The following RSU1 variants were observed in gnomAD, a reference collection of about 807,000 sequenced individuals.
RSU1 encodes Ras suppressor protein 1.
Under a neutral mutation model 31.1 loss-of-function variants are expected in RSU1, and 26 were observed. That is an observed-to-expected ratio of 0.84 (90% confidence interval 0.61 to 1.16). The LOEUF (loss-of-function observed/expected upper bound fraction) is 1.16, where lower values mean the gene tolerates loss of function less well. Among genes scored for constraint, RSU1 ranks in the 50% most tolerant of loss-of-function variants. The pLI is 0.00. For missense variants in RSU1, 320 were observed against 339.1 expected (o/e 0.94, Z 0.44); for synonymous variants, 164 against 136.3 (o/e 1.20, Z -1.41).
chr10:16,727,303 C>T (rs978788833), intron 7 of RSU1: 13 of 312,358 alleles, frequency 4.2e-5, no homozygotes, highest in Admixed American at 1.6e-4. Flanking sequence ...TCCCAAAGCA[C>T]CCAATTCAAC....
In RSU1 at chr10:16,645,896, A is replaced by ATATATATGTG. The variant is rs1834536489; in HGVS notation, c.731+49126_731+49127insCACATATATA. Among the ~76,000 whole-genome samples the ATATATATGTG allele has an allele frequency of 2.8e-5, 3 of 106,688 alleles. 1 individual carries two copies. Among genetic ancestry groups the ATATATATGTG allele is most frequent in the Non-Finnish European group, 5.1e-5 (3 of 59,094 alleles). The allele number at this position is 106,688 out of a possible 152,430, so 70.0% of individuals were successfully genotyped here. On this transcript the variant is annotated intron_variant, in intron 8 of 8. Coordinates refer to ENST00000345264, the MANE Select transcript of RSU1 (RefSeq NM_012425.4). ...CATATATGTGTATATACATATATGT[A>ATATATATGTG]TATACACATATATGTATATATATGT...
chr10:16,596,011 A>G lies in RSU1; in HGVS notation c.732-2515T>C, dbSNP rs551132275. Among the ~76,000 whole-genome samples the G allele has an allele frequency of 5.3e-5, 8 of 151,968 alleles. No homozygotes were observed. The South Asian group carries it at 1.4e-3, about 28-fold the overall frequency. Reference sequence around the variant, plus strand: ...TCCATGAAAGCGCATTTTTCAACCTATAGGGGCTCCCCCAACCTACACTTT... The same window carrying G: ...TCCATGAAAGCGCATTTTTCAACCTGTAGGGGCTCCCCCAACCTACACTTT... On this transcript the variant is annotated intron_variant, in intron 8 of 8. Transcript: ENST00000345264.
chr10:16,605,430 T>C (rs1833786512), intron 8 of RSU1, among the ~76,000 whole-genome samples: 1 of 152,214 alleles, frequency 6.6e-6, no homozygotes, highest in African/African-American at 2.4e-5. Context: ...AAAGTGTGTA[T>C]AGCTGTACTT....
intron 2 of RSU1, among the ~76,000 whole-genome samples, chr10:16,796,612 T>A (rs771455475): frequency 6.6e-6 from 1 of 152,082 alleles, no homozygotes; most frequent in Non-Finnish European, 1.5e-5. Context: ...AAACTGTTCA[T>A]CACAATGATC....
At chr10:16,699,613 G>C (rs989573077) in intron 7 of RSU1, among the ~76,000 whole-genome samples, 9 of 152,214 alleles carry the variant, frequency 5.9e-5, no homozygotes, top group African/African-American at 1.9e-4. Flanking sequence ...TTTATTAGAA[G>C]GCTGAGCGGC....
intron 8 of RSU1, among the ~76,000 whole-genome samples, chr10:16,677,901 A>G (rs1835262744): frequency 6.6e-6 from 1 of 152,208 alleles, no homozygotes; most frequent in Non-Finnish European, 1.5e-5. Flanking sequence ...GGAATGCACA[A>G]GAACAGATTA....
At chr10:16,722,736 C>T (rs1248226695) in intron 7 of RSU1, among the ~76,000 whole-genome samples, 1 of 151,818 alleles carries the variant, frequency 6.6e-6, no homozygotes. Context: ...TAAGAGCACA[C>T]TTTTTATATA....
intron 7 of RSU1, among the ~76,000 whole-genome samples, chr10:16,742,746 G>C (rs1247818325): frequency 1.3e-5 from 2 of 152,148 alleles, no homozygotes; most frequent in East Asian, 3.9e-4. Flanking sequence ...TGTTAACACA[G>C]ATTGATGCAC....
At chr10:16,807,936 T>C (rs1258281086) in intron 2 of RSU1, among the ~76,000 whole-genome samples, 2 of 145,734 alleles carry the variant, frequency 1.4e-5, no homozygotes, top group East Asian at 4.0e-4. Flanking sequence ...GGCAGGAGAA[T>C]GGCGTGAACC....
At chr10:16,754,447 T>C (rs1353515160) in intron 5 of RSU1, among the ~76,000 whole-genome samples, 1 of 152,134 alleles carries the variant, frequency 6.6e-6, no homozygotes, top group Non-Finnish European at 1.5e-5. Context: ...AATTTTAAAA[T>C]TGTGTTACTG....
chr10:16,774,584 A>C lies in RSU1; in HGVS notation c.160+7450T>G, dbSNP rs151116212. Reference sequence around the variant, plus strand: ...GATCCTGTCTCAAACAAACAAACAAAAAAATAGCATCCCTATGTCCACACT... The same window carrying C: ...GATCCTGTCTCAAACAAACAAACAACAAAATAGCATCCCTATGTCCACACT... On this transcript the variant is annotated intron_variant, in intron 3 of 8. Coordinates refer to ENST00000345264, the MANE Select transcript of RSU1 (RefSeq NM_012425.4). Among the ~76,000 whole-genome samples, 1,407 of 152,230 alleles carry C rather than the reference A, an allele frequency of 9.2e-3. 23 individuals are homozygous for C. Among genetic ancestry groups the C allele is most frequent in the African/African-American group, 0.032 (1,337 of 41,516 alleles).
intron 7 of RSU1, among the ~76,000 whole-genome samples, chr10:16,722,353 C>T (rs191127544): frequency 6.6e-6 from 1 of 152,062 alleles, no homozygotes; most frequent in Non-Finnish European, 1.5e-5. Flanking sequence ...AAGTAAGAAC[C>T]TCTGATCCAG....
intron 7 of RSU1, among the ~76,000 whole-genome samples, chr10:16,709,228 G>T (rs1314487221): frequency 3.4e-4 from 51 of 148,784 alleles, no homozygotes; most frequent in African/African-American, 1.1e-3. Context: ...TCCCATCTAT[G>T]AGTGAGAACA....
chr10:16,645,873 T>A (rs1047008035), intron 8 of RSU1, among the ~76,000 whole-genome samples: 1 of 115,234 alleles, frequency 8.7e-6, no homozygotes, highest in Non-Finnish European at 1.7e-5. Flanking sequence ...TATATATACA[T>A]ATATGTGTAT....
intron 8 of RSU1, among the ~76,000 whole-genome samples, chr10:16,667,090 C>T (rs907577148): frequency 5.9e-5 from 9 of 152,108 alleles, no homozygotes; most frequent in Non-Finnish European, 1.3e-4. Flanking sequence ...CTGTTAATTA[C>T]CACTGAGTCA....
intron 8 of RSU1, among the ~76,000 whole-genome samples, chr10:16,647,289 A>G (rs1834590372): frequency 6.6e-6 from 1 of 152,166 alleles, no homozygotes; most frequent in Admixed American, 6.5e-5. Flanking sequence ...GAACTTTCAC[A>G]CATTGTGGAT....
At chr10:16,656,361 A>G (rs1834778402) in intron 8 of RSU1, among the ~76,000 whole-genome samples, 1 of 152,228 alleles carries the variant, frequency 6.6e-6, no homozygotes, top group African/African-American at 2.4e-5. Context: ...CTAGGATTCA[A>G]TCATATTGTT....
At chr10:16,770,790 G>A (rs1264407381) in intron 3 of RSU1, among the ~76,000 whole-genome samples, 9 of 152,170 alleles carry the variant, frequency 5.9e-5, no homozygotes, top group South Asian at 2.1e-4. Context: ...CGGCATGTCC[G>A]CCCTTGTGCT....
intron 7 of RSU1, among the ~76,000 whole-genome samples, chr10:16,698,855 G>A (rs1387481426): frequency 2.0e-5 from 3 of 152,212 alleles, no homozygotes. Context: ...GCATATTTTA[G>A]CTGGGATGGG....
Sources: allele counts gnomAD v4.1 joint callset (sites outside exome capture counted in the v4.1 genomes callset), GRCh38; gene constraint gnomAD v4.1.1; transcripts MANE v1.5; gene names NCBI Gene and HGNC (gene_info 2026-07-23, HGNC 2026-07-21).